The following CADM2 variants were observed in gnomAD, a reference collection of about 807,000 sequenced individuals.
CADM2 encodes the protein cell adhesion molecule 2.
Under a neutral mutation model 49.8 loss-of-function variants are expected in CADM2, and 12 were observed. The ratio of observed to expected loss-of-function variants is 0.24; its 90% CI spans 0.15 to 0.39. CADM2 has a LOEUF of 0.39. Among genes scored for constraint, CADM2 ranks in the 10% least tolerant of loss-of-function variants. The probability of loss-of-function intolerance (pLI) is 1.00; values close to 1 mark genes in which losing one functional copy is unlikely to be tolerated. For missense variants in CADM2, 378 were observed against 492.3 expected, an observed-to-expected ratio of 0.77 and a Z score of 2.20; for synonymous variants, 214 against 175.4, an observed-to-expected ratio of 1.22 and a Z score of -1.74.
intron 1 of CADM2, among the ~76,000 whole-genome samples, chr3:85,052,603 T>C (rs1441195033): frequency 1.3e-5 from 2 of 152,112 alleles, no homozygotes; most frequent in Non-Finnish European, 2.9e-5. Flanking sequence ...TGCCATTTTC[T>C]TCAATAAAAA....
intron 1 of CADM2, among the ~76,000 whole-genome samples, chr3:85,258,184 T>C (rs1559746401): frequency 6.6e-6 from 1 of 152,056 alleles, no homozygotes. Flanking sequence ...ATCTCAGATA[T>C]TTAGAGGCTG....
intron 1 of CADM2, among the ~76,000 whole-genome samples, chr3:85,359,666 A>ATATATATATATATATATATATTTTTTTT: frequency 4.5e-4 from 12 of 26,546 alleles, no homozygotes; most frequent in Non-Finnish European, 7.3e-4. Context: ...ATATATATAT[A>ATATATATATATATATATATATTTTTTTT]TTTTTTTTTT....
intron 8 of CADM2, among the ~76,000 whole-genome samples, chr3:85,964,818 A>G (rs1453832751): frequency 4.0e-5 from 6 of 151,806 alleles, no homozygotes; most frequent in Non-Finnish European, 8.8e-5. Flanking sequence ...CCATAATTAT[A>G]CTAATTAATT....
intron 1 of CADM2, among the ~76,000 whole-genome samples, chr3:85,446,611 T>TG (rs1237367548): frequency 2.7e-5 from 4 of 150,078 alleles, no homozygotes; most frequent in Non-Finnish European, 5.9e-5. Flanking sequence ...TTTGTTTTTT[T>TG]TTTTTTTTGA....
intron 1 of CADM2, among the ~76,000 whole-genome samples, chr3:85,468,338 C>T (rs57433549): frequency 0.012 from 1,763 of 152,008 alleles, 32 homozygotes; most frequent in African/African-American, 0.041. Flanking sequence ...TCTAAGCCCC[C>T]AGTCTGAGTT....
Position 85,197,440 on chromosome 3 carries a change from A to G in CADM2, c.61+237772A>G, listed in dbSNP as rs72911105. ...GTGCCACTCTGTCTAATACTAAGGT[A>G]ATAAGAGTAAGCAAGAGAAATACAC... On this transcript the variant is annotated intron_variant, in intron 1 of 9. Coordinates refer to ENST00000383699, the MANE Select transcript of CADM2 (RefSeq NM_001167675.2). Among the ~76,000 whole-genome samples, 980 of 152,084 alleles carry G rather than the reference A, an allele frequency of 6.4e-3. 14 individuals carry two copies. Among genetic ancestry groups the G allele is most frequent in the African/African-American group, 0.022 (915 of 41,550 alleles).
chr3:85,649,853 G>T (rs1300254492), intron 1 of CADM2, among the ~76,000 whole-genome samples: 2 of 152,120 alleles, frequency 1.3e-5, no homozygotes, highest in African/African-American at 2.4e-5. Context: ...GCCAGAAGAG[G>T]TTGTATCACA....
At chr3:85,696,601 T>C (rs1410120264) in intron 1 of CADM2, among the ~76,000 whole-genome samples, 2 of 152,076 alleles carry the variant, frequency 1.3e-5, no homozygotes, top group African/African-American at 4.8e-5. Context: ...ATACATGTAG[T>C]TTTCCCCTTT....
intron 3 of CADM2, among the ~76,000 whole-genome samples, chr3:85,812,155 G>A (rs2072922627): frequency 6.6e-6 from 1 of 152,026 alleles, no homozygotes. Context: ...AGGGATACAG[G>A]GCAAGGGAAA....
chr3:85,813,074 A>T lies in CADM2; in HGVS notation c.238+10878A>T, dbSNP rs141984293. On this transcript the variant is annotated intron_variant, in intron 3 of 9. Coordinates refer to ENST00000383699, the MANE Select transcript of CADM2 (RefSeq NM_001167675.2). ...CTTTGGGTATATACTCAGTAATGGG[A>T]TTGCTAGGTCCAATGGTATTTCTAG... Among the ~76,000 whole-genome samples the T allele has an allele frequency of 8.7e-3, 1,326 of 152,266 alleles. 24 individuals carry two copies. The highest frequency in any genetic ancestry group is 0.03 in the African/African-American group (1,250 of 41,538).
chr3:85,338,219 C>T (rs1475639922), intron 1 of CADM2, among the ~76,000 whole-genome samples: 3 of 151,598 alleles, frequency 2.0e-5, no homozygotes, highest in African/African-American at 4.8e-5. Context: ...GCCTTTTCCG[C>T]ATTAAACTTG....
intron 1 of CADM2, among the ~76,000 whole-genome samples, chr3:85,621,975 T>C (rs1268948448): frequency 6.6e-6 from 1 of 152,202 alleles, no homozygotes; most frequent in Non-Finnish European, 1.5e-5. Context: ...AGTTCAGTTT[T>C]ACAAAATAAA....
At chr3:85,146,848 T>C (rs909215671) in intron 1 of CADM2, among the ~76,000 whole-genome samples, 4 of 152,140 alleles carry the variant, frequency 2.6e-5, no homozygotes, top group Admixed American at 6.5e-5. Flanking sequence ...ATGGGTTTGA[T>C]TTTTGAGTTA....
intron 1 of CADM2, among the ~76,000 whole-genome samples, chr3:85,356,618 C>T (rs982883179): frequency 1.3e-5 from 2 of 152,054 alleles, no homozygotes; most frequent in Non-Finnish European, 2.9e-5. Context: ...AAGAGAAACA[C>T]GTACATAATA....
At chr3:85,495,706 A>G (rs1218491187) in intron 1 of CADM2, among the ~76,000 whole-genome samples, 1 of 151,970 alleles carries the variant, frequency 6.6e-6, no homozygotes, top group African/African-American at 2.4e-5. Context: ...CTTACAGTCA[A>G]TCAAGCAGAA....
At chr3:85,199,827 A>G (rs2041447711) in intron 1 of CADM2, among the ~76,000 whole-genome samples, 1 of 152,054 alleles carries the variant, frequency 6.6e-6, no homozygotes, top group South Asian at 2.1e-4. Flanking sequence ...ATATAAACAC[A>G]TTGAAATTTT....
At chr3:85,338,947 A>G (rs1300702484) in intron 1 of CADM2, among the ~76,000 whole-genome samples, 2 of 151,506 alleles carry the variant, frequency 1.3e-5, no homozygotes, top group East Asian at 3.9e-4. Flanking sequence ...AATGTATTCT[A>G]AAGACTTGTT....
intron 1 of CADM2, among the ~76,000 whole-genome samples, chr3:85,422,834 G>A (rs1277148666): frequency 6.6e-6 from 1 of 151,830 alleles, no homozygotes; most frequent in Admixed American, 6.6e-5. Flanking sequence ...GCGCTTTGGG[G>A]CTTCAACCCC....
intron 1 of CADM2, among the ~76,000 whole-genome samples, chr3:85,054,480 A>C (rs2036001894): frequency 6.6e-6 from 1 of 151,934 alleles, no homozygotes; most frequent in Non-Finnish European, 1.5e-5. Flanking sequence ...GGGATAATTA[A>C]GGGCTTTGAG....
Sources: gnomAD v4.1 joint callset for allele counts (sites outside exome capture counted in the v4.1 genomes callset) on GRCh38, gnomAD v4.1.1 for gene constraint, MANE v1.5 for transcripts, NCBI Gene and HGNC (gene_info 2026-07-23, HGNC 2026-07-21) for gene names.